The following PDE5A variants were observed in gnomAD, a reference collection of about 807,000 sequenced individuals.
PDE5A encodes the protein cGMP-specific 3',5'-cyclic phosphodiesterase.
In PDE5A, 67 loss-of-function variants were observed where a neutral mutation model predicts 110.2. That is an observed-to-expected ratio of 0.61 (90% CI 0.50 to 0.75). The LOEUF is 0.75. PDE5A is among the 30% of genes least tolerant of loss of function. The pLI, the probability that PDE5A is intolerant of heterozygous loss-of-function variation, is 0.00. For synonymous variants in PDE5A, 328 were observed against 351.2 expected (o/e 0.93, Z 0.74); for missense variants, 862 against 1,045.1 (o/e 0.82, Z 2.42).
rs942635496 is a variant in PDE5A, at chr4:119,525,418, T to C, written c.1779+131A>G. On this transcript the variant is annotated intron_variant, in intron 12 of 20. Coordinates refer to ENST00000354960, the MANE Select transcript of PDE5A (RefSeq NM_001083.4). The surrounding 1 kb of genome is among the most constrained non-coding windows in gnomAD (Gnocchi z 4.3). ...TTCTTTAAAAGTCTCGGGTATATAT[T>C]AGGTGACAGTATATTAATCACTAAA... The C allele has an allele frequency of 2.5e-5, 19 of 772,566 alleles. No homozygotes were observed. Among genetic ancestry groups the C allele is most frequent in the Non-Finnish European group, 3.6e-5 (18 of 502,468 alleles). The allele number at this position is 772,566 out of a possible 1,614,324, so 47.9% of individuals were successfully genotyped here.
At chr4:119,565,983 T>G (rs1727919315) in intron 4 of PDE5A, among the ~76,000 whole-genome samples, 1 of 149,000 alleles carries the variant, frequency 6.7e-6, no homozygotes, top group Non-Finnish European at 1.5e-5. Flanking sequence ...TTAATAATAA[T>G]TAATAGTATT....
intron 18 of PDE5A, 51 bp from the exon 19 acceptor site, chr4:119,502,706 T>G (rs536436236): frequency 5.0e-6 from 6 of 1,198,914 alleles, no homozygotes; most frequent in Non-Finnish European, 7.4e-6. Context: ...TATCATTCTT[T>G]AAAACAGAGA....
chr4:119,628,402 G>T, intron 1 of PDE5A, 118 bp downstream of exon 1: 3 of 743,738 alleles, frequency 4.0e-6, no homozygotes, highest in Non-Finnish European at 4.3e-6. Flanking sequence ...TTTCTACCTC[G>T]TAACAGGACC....
At chr4:119,591,702 G>A (rs954020208) in intron 3 of PDE5A, among the ~76,000 whole-genome samples, 2 of 152,098 alleles carry the variant, frequency 1.3e-5, no homozygotes, top group Non-Finnish European at 2.9e-5. Context: ...TAACAGCCAC[G>A]CTTGATAGTG....
chr4:119,613,352 T>A (rs879471570), intron 1 of PDE5A, among the ~76,000 whole-genome samples: 4 of 152,202 alleles, frequency 2.6e-5, no homozygotes, highest in Admixed American at 6.5e-5. Flanking sequence ...TCTATTTTGA[T>A]AGAATTAACT....
intron 12 of PDE5A, among the ~76,000 whole-genome samples, chr4:119,523,302 G>C (rs190029372): frequency 3.0e-4 from 46 of 152,134 alleles, no homozygotes; most frequent in African/African-American, 1.1e-3. Context: ...AGATCAGCAA[G>C]AGGCAATGGT....
At chr4:119,592,957 C>T (rs1729031179) in intron 3 of PDE5A, among the ~76,000 whole-genome samples, 1 of 152,148 alleles carries the variant, frequency 6.6e-6, no homozygotes. Flanking sequence ...GCCAAACCCA[C>T]TTCAATCAGA....
chr4:119,612,937 C>A (rs1729808978), intron 1 of PDE5A, among the ~76,000 whole-genome samples: 1 of 152,070 alleles, frequency 6.6e-6, no homozygotes. Context: ...AGAGTTATGC[C>A]CAATTAAAGA....
intron 1 of PDE5A, among the ~76,000 whole-genome samples, chr4:119,623,688 T>C (rs924378255): frequency 2.0e-5 from 3 of 152,212 alleles, no homozygotes; most frequent in African/African-American, 7.2e-5. Flanking sequence ...TTTGGTTGCA[T>C]AGCATAATCA....
At chr4:119,602,425 A>G (rs1729378204) in intron 2 of PDE5A, among the ~76,000 whole-genome samples, 1 of 152,180 alleles carries the variant, frequency 6.6e-6, no homozygotes, top group African/African-American at 2.4e-5. Flanking sequence ...CAAAATAAAA[A>G]TAACAGAAAA....
At chr4:119,567,288 C>A in intron 3 of PDE5A, 144 bp from the exon 4 acceptor site, 1 of 596,044 alleles carries the variant, frequency 1.7e-6, no homozygotes, top group South Asian at 2.3e-5. Flanking sequence ...CCCTCATCAG[C>A]ATTTGAGCAA....
chr4:119,533,694 A>G (rs1034383995), intron 11 of PDE5A, among the ~76,000 whole-genome samples: 1 of 152,128 alleles, frequency 6.6e-6, no homozygotes. Context: ...TTAAATCTCA[A>G]TAAGAAAGAG....
At chr4:119,577,453 C>T (rs942258297) in intron 3 of PDE5A, among the ~76,000 whole-genome samples, 9 of 152,174 alleles carry the variant, frequency 5.9e-5, no homozygotes, top group Admixed American at 3.3e-4. Flanking sequence ...TACTGGCAAA[C>T]CAAATCCAGC....
rs2110572903 is a variant in PDE5A, at chr4:119,627,051, T to C, written c.152+1469A>G. On this transcript the variant is annotated intron_variant, in intron 1 of 20. Coordinates refer to ENST00000354960, the MANE Select transcript of PDE5A (RefSeq NM_001083.4). This position sits in a 1 kb window ranked among gnomAD's most constrained non-coding sequence, Gnocchi z 4.6. Reference sequence around the variant, plus strand: ...ACAGTCAATTTTCAATGATACATCGTCCCACTGGTGCCACCGGGGCGCCAC... The same window carrying C: ...ACAGTCAATTTTCAATGATACATCGCCCCACTGGTGCCACCGGGGCGCCAC... 6 of 1,335,606 alleles carry C rather than the reference T, an allele frequency of 4.5e-6. No individual in the cohort carries two copies. The South Asian group carries it at 7.4e-5, about 17-fold the overall frequency. 82.7% of individuals were successfully genotyped at this position (1,335,606 alleles called of 1,614,324 possible). A position where few individuals can be genotyped will look rare whatever the true frequency, so the allele number is the denominator to read the frequency against.
chr4:119,502,539 A>G, intron 19 of PDE5A, 42 bp downstream of exon 19: 1 of 1,215,856 alleles, frequency 8.2e-7, no homozygotes, highest in Non-Finnish European at 1.2e-6. Flanking sequence ...ATTAAAAAAA[A>G]AACAATTTGA....
intron 1 of PDE5A, among the ~76,000 whole-genome samples, chr4:119,622,740 G>GT (rs1360179403): frequency 2.0e-5 from 3 of 151,750 alleles, no homozygotes; most frequent in Non-Finnish European, 4.4e-5. Context: ...GGGTGTGGTG[G>GT]TGGGCACCTG....
chr4:119,573,290 T>C (rs1322387890), intron 3 of PDE5A, among the ~76,000 whole-genome samples: 1 of 152,198 alleles, frequency 6.6e-6, no homozygotes, highest in Non-Finnish European at 1.5e-5. Flanking sequence ...ATTTATACCT[T>C]TACTAGCAAG....
chr4:119,529,870 C>T (rs1726468859), intron 11 of PDE5A, among the ~76,000 whole-genome samples: 2 of 152,044 alleles, frequency 1.3e-5, no homozygotes, highest in African/African-American at 4.8e-5. Context: ...AGAGGGGATC[C>T]GTTTCCATTA....
At chr4:119,607,548 G>A (rs1264215883) in intron 1 of PDE5A, among the ~76,000 whole-genome samples, 1 of 152,090 alleles carries the variant, frequency 6.6e-6, no homozygotes, top group East Asian at 1.9e-4. Flanking sequence ...ACCAACCTGG[G>A]AAACCTAGTG....
Sources: allele counts gnomAD v4.1 joint callset (sites outside exome capture counted in the v4.1 genomes callset), GRCh38; gene constraint gnomAD v4.1.1; non-coding constraint Gnocchi (gnomAD v3.1); transcripts MANE v1.5; gene names NCBI Gene and HGNC (gene_info 2026-07-23, HGNC 2026-07-21).